Variants in ZNF138 observed in about 807,000 individuals in gnomAD.
ZNF138 encodes the protein zinc finger protein 138 (clone pHZ-32).
Under a neutral mutation model 33.0 loss-of-function variants are expected in ZNF138, and 33 were observed. The observed-to-expected ratio is 1.00, with a 90% CI of 0.76 to 1.34. ZNF138 has a LOEUF of 1.34. Ranked by LOEUF, ZNF138 falls within the 40% of genes most tolerant of loss-of-function variation. The pLI is 0.00. For missense variants in ZNF138, 360 were observed against 370.8 expected (o/e 0.97, Z 0.24); for synonymous variants, 139 against 120.4 (o/e 1.15, Z -1.01).
chr7:64,798,582 G>A (rs61381087), intron 1 of ZNF138, among the ~76,000 whole-genome samples: 6 of 152,020 alleles, frequency 3.9e-5, no homozygotes, highest in South Asian at 4.2e-4. Flanking sequence ...ACCTGAGGTC[G>A]GGAGTTTGAG....
chr7:64,813,625 G>A (rs1282246025), intron 1 of ZNF138, among the ~76,000 whole-genome samples: 1 of 151,914 alleles, frequency 6.6e-6, no homozygotes, highest in Admixed American at 6.6e-5. Flanking sequence ...TAGTAGAGAC[G>A]GGGTTTCACT....
chr7:64,849,978 G>A, the ZNF138 span, among the ~76,000 whole-genome samples: 1 of 152,156 alleles, frequency 6.6e-6, no homozygotes, highest in South Asian at 2.1e-4. Context: ...GAGACTTCAC[G>A]TTTGGTTAGA....
chr7:64,815,111 TAGAATG>T, intron 2 of ZNF138, 67 bp downstream of exon 2: 9 of 1,377,806 alleles, frequency 6.5e-6, no homozygotes, highest in Non-Finnish European at 8.6e-6. Context: ...TTTTTTTGGG[TAGAATG>T]TCTTTTGGTA....
At position 64,831,859 on chromosome 7, in the gene ZNF138, G is replaced by T; in HGVS notation, c.617G>T (p.Trp206Leu). 1 of 1,613,698 alleles carries T rather than the reference G, an allele frequency of 6.2e-7. No individual in the cohort carries two copies. Among genetic ancestry groups the T allele is most frequent in the Non-Finnish European group, 8.5e-7 (1 of 1,179,884 alleles). Residue 206 changes from tryptophan (W) to leucine (L), a missense_variant, in exon 4 of 4, where the codon TGG becomes TTG. Physicochemically the swap from Trp to Leu is moderately conservative, Grantham distance 61. Coordinates refer to ENST00000307355, the MANE Select transcript of ZNF138 (RefSeq NM_001271639.2). ...KCEECGKTFN[W>L]STNLSKPKKI... ...GAAGAGTGTGGAAAAACCTTTAACTGGTCCACAAACCTTTCTAAACCTAAG... is the reference window on the plus strand; with the variant it reads ...GAAGAGTGTGGAAAAACCTTTAACTTGTCCACAAACCTTTCTAAACCTAAG...
chr7:64,796,088 T>C (rs985266564), intron 1 of ZNF138, among the ~76,000 whole-genome samples: 2 of 152,218 alleles, frequency 1.3e-5, no homozygotes, highest in Non-Finnish European at 2.9e-5. Context: ...CGGAGACATA[T>C]TGCTGGTCAA....
At chr7:64,820,988 T>G (rs1489767228) in intron 3 of ZNF138, among the ~76,000 whole-genome samples, 2 of 151,610 alleles carry the variant, frequency 1.3e-5, no homozygotes, top group African/African-American at 4.9e-5. Flanking sequence ...GATTTGGTGT[T>G]TTTAAAAAAA....
chr7:64,840,798 A>G, the ZNF138 span, among the ~76,000 whole-genome samples: 150,004 of 152,220 alleles, frequency 0.99, 73,950 homozygotes, highest in Non-Finnish European at 1. Flanking sequence ...TTTTAGTTTT[A>G]ATTTACATAA....
At chr7:64,818,707 G>A (rs1788875547) in intron 3 of ZNF138, among the ~76,000 whole-genome samples, 1 of 137,730 alleles carries the variant, frequency 7.3e-6, no homozygotes, top group African/African-American at 2.6e-5. Flanking sequence ...CCGAGATCAT[G>A]CCTCTGCACT....
chr7:64,798,896 G>T (rs1362835055), intron 1 of ZNF138, among the ~76,000 whole-genome samples: 1 of 140,922 alleles, frequency 7.1e-6, no homozygotes, highest in Non-Finnish European at 1.5e-5. Context: ...CTGTTGCATT[G>T]TTCTATGAGC....
intron 3 of ZNF138, among the ~76,000 whole-genome samples, chr7:64,829,918 G>A (rs1210337292): frequency 1.3e-5 from 2 of 152,050 alleles, no homozygotes; most frequent in Non-Finnish European, 2.9e-5. Flanking sequence ...GTCATTTTTA[G>A]TGGAAGAAAC....
chr7:64,815,747 C>A, intron 3 of ZNF138, 94 bp downstream of exon 3: 1 of 1,178,046 alleles, frequency 8.5e-7, no homozygotes, highest in Non-Finnish European at 1.2e-6. Context: ...ATCTGTATTC[C>A]AAAGGAAATA....
At chr7:64,815,802 A>AGAAGATG in intron 3 of ZNF138, 149 bp downstream of exon 3, 1 of 661,894 alleles carries the variant, frequency 1.5e-6, no homozygotes, top group Non-Finnish European at 2.5e-6. Context: ...TACATAAGAC[A>AGAAGATG]TCTTCTGTCT....
chr7:64,799,455 C>T lies in ZNF138; in HGVS notation c.3+4884C>T, dbSNP rs570963596. ...TGGGATTACAGGCTGAGTCATGCCA[C>T]CCAGCTGATGTTGATCTTTTCTATC... On this transcript the variant is annotated intron_variant, in intron 1 of 3. Coordinates refer to ENST00000307355, the MANE Select transcript of ZNF138 (RefSeq NM_001271639.2). Among the ~76,000 whole-genome samples the T allele has an allele frequency of 1.0e-3, 153 of 152,084 alleles. 1 individual carries two copies. Among genetic ancestry groups the T allele is most frequent in the African/African-American group, 3.5e-3 (147 of 41,480 alleles).
intron 3 of ZNF138, among the ~76,000 whole-genome samples, chr7:64,821,078 TTTTGTTTGTTTG>T (rs200335218): frequency 6.6e-6 from 1 of 150,606 alleles, no homozygotes; most frequent in Non-Finnish European, 1.5e-5. Context: ...TTGTTTTGTT[TTTTGTTTGTTTG>T]TTTGTTTGTT....
intron 1 of ZNF138, among the ~76,000 whole-genome samples, chr7:64,810,163 G>A (rs1045931150): frequency 7.8e-6 from 1 of 128,984 alleles, no homozygotes; most frequent in Admixed American, 8.3e-5. Flanking sequence ...TCCAGCCTGG[G>A]CACCATTGAG....
At chr7:64,826,579 C>T (rs780579221) in intron 3 of ZNF138, among the ~76,000 whole-genome samples, 1 of 151,904 alleles carries the variant, frequency 6.6e-6, no homozygotes, top group South Asian at 2.1e-4. Context: ...CCCAGCCTGG[C>T]CTTAATTTTT....
chr7:64,852,837 C>G, the ZNF138 span: 2 of 846,976 alleles, frequency 2.4e-6, no homozygotes, highest in East Asian at 4.8e-5. Context: ...GTGGTAGTGA[C>G]TCTTCCCAGG....
At chr7:64,814,802 C>G in intron 1 of ZNF138, 116 bp from the exon 2 acceptor site, 1 of 1,361,948 alleles carries the variant, frequency 7.3e-7, no homozygotes, top group East Asian at 2.5e-5. Context: ...TCAGTCACTC[C>G]TGTAAGACAT....
At chr7:64,824,789 G>A (rs952400540) in intron 3 of ZNF138, among the ~76,000 whole-genome samples, 1 of 151,822 alleles carries the variant, frequency 6.6e-6, no homozygotes, top group African/African-American at 2.4e-5. Context: ...TCACGCAATT[G>A]TGGTTACTAT....
Sources: allele counts gnomAD v4.1 joint callset (sites outside exome capture counted in the v4.1 genomes callset), GRCh38; gene constraint gnomAD v4.1.1; transcripts MANE v1.5; gene names NCBI Gene and HGNC (gene_info 2026-07-23, HGNC 2026-07-21).